The following GABRB1 variants were observed in gnomAD, a reference collection of about 807,000 sequenced individuals.
GABRB1 encodes gamma-aminobutyric acid type A receptor subunit beta1, also known as gamma-aminobutyric acid receptor subunit beta-1.
Under a neutral mutation model 51.6 loss-of-function variants are expected in GABRB1, and 17 were observed. The ratio of observed to expected loss-of-function variants is 0.33; its 90% CI spans 0.23 to 0.49. The LOEUF is 0.49. Among genes scored for constraint, GABRB1 ranks in the 20% least tolerant of loss-of-function variants. The pLI is 0.99. For synonymous variants in GABRB1, 247 were observed against 218.9 expected (o/e 1.13, Z -1.14); for missense variants, 410 against 600.6 (o/e 0.68, Z 3.32).
chr4:47,014,504 A>G (rs566108043), intron 1 of GABRB1, among the ~76,000 whole-genome samples: 11 of 152,090 alleles, frequency 7.2e-5, no homozygotes, highest in Non-Finnish European at 1.5e-4. Flanking sequence ...CTGATCACCA[A>G]AATGTGTAGC....
At chr4:47,038,729 A>G (rs773842966) in intron 3 of GABRB1, among the ~76,000 whole-genome samples, 1 of 152,228 alleles carries the variant, frequency 6.6e-6, no homozygotes, top group Non-Finnish European at 1.5e-5. Context: ...CACCTTCAAA[A>G]CACTCATACA....
In GABRB1 at chr4:47,425,657, G is replaced by C; in HGVS notation, c.1081-17G>C. The C allele has an allele frequency of 6.4e-7, 1 of 1,573,240 alleles. No individual in the cohort carries two copies. Among genetic ancestry groups the C allele is most frequent in the African/African-American group, 1.4e-5 (1 of 73,840 alleles). On this transcript the variant is annotated splice_polypyrimidine_tract_variant and intron_variant, in intron 8 of 8. Transcript: ENST00000295454. Reference sequence around the variant, plus strand: ...GGTCCTGCAACTTGTGTCCGAGCCTGTTCTTTTTGCCATCAGGTCGACGCC... The same window carrying C: ...GGTCCTGCAACTTGTGTCCGAGCCTCTTCTTTTTGCCATCAGGTCGACGCC...
upstream of GABRB1, among the ~76,000 whole-genome samples, chr4:47,028,726 G>GTA (rs1201669133): frequency 1.3e-5 from 2 of 149,870 alleles, no homozygotes. Flanking sequence ...CTGTGTATGT[G>GTA]TATATATATA....
At chr4:47,253,364 T>C (rs1214651261) in intron 4 of GABRB1, among the ~76,000 whole-genome samples, 6 of 152,250 alleles carry the variant, frequency 3.9e-5, no homozygotes, top group African/African-American at 1.4e-4. Flanking sequence ...AGGAAGACTT[T>C]GTCAGTTGAA....
chr4:47,223,490 C>A (rs1048934253), intron 4 of GABRB1, among the ~76,000 whole-genome samples: 1 of 152,104 alleles, frequency 6.6e-6, no homozygotes. Flanking sequence ...GTAAATTTTT[C>A]TTTATTTGGG....
intron 5 of GABRB1, among the ~76,000 whole-genome samples, chr4:47,375,708 T>C (rs145546232): frequency 1.3e-3 from 204 of 152,362 alleles, no homozygotes; most frequent in Non-Finnish European, 2.5e-3. Flanking sequence ...CACTTGTTAC[T>C]TTTGGTTACA....
chr4:47,129,269 C>T (rs1577934443), intron 3 of GABRB1, among the ~76,000 whole-genome samples: 1 of 152,224 alleles, frequency 6.6e-6, no homozygotes, highest in East Asian at 1.9e-4. Context: ...TCTTTTAAAG[C>T]ACTGATCAAA....
intron 4 of GABRB1, among the ~76,000 whole-genome samples, chr4:47,178,490 T>A (rs1448574947): frequency 6.6e-6 from 1 of 152,090 alleles, no homozygotes; most frequent in Non-Finnish European, 1.5e-5. Flanking sequence ...ACTTTTGTCA[T>A]TGGATTAGTG....
chr4:47,133,290 A>G lies in GABRB1; in HGVS notation c.241-27959A>G, dbSNP rs1003734591. On this transcript the variant is annotated intron_variant, in intron 3 of 8. Transcript: ENST00000295454. ...TGTATGTGACCTTCACTGCATCTGC[A>G]TAATTCCCTATTACAATATTTAAAA... Among the ~76,000 whole-genome samples the G allele has an allele frequency of 2.0e-5, 3 of 152,342 alleles. No individual in the cohort carries two copies. In the East Asian group the frequency reaches 5.8e-4, roughly 29 times the overall value.
At chr4:47,293,712 A>G (rs968947693) in intron 4 of GABRB1, among the ~76,000 whole-genome samples, 6 of 152,200 alleles carry the variant, frequency 3.9e-5, no homozygotes, top group Admixed American at 3.3e-4. Flanking sequence ...GCTTTAGGAT[A>G]AACCTTTTTT....
At chr4:47,027,368 A>G (rs1230950804), upstream of GABRB1, among the ~76,000 whole-genome samples, 1 of 151,726 alleles carries the variant, frequency 6.6e-6, no homozygotes, top group East Asian at 1.9e-4. Context: ...CATAACAGGA[A>G]GTAAAAATAA....
intron 1 of GABRB1, among the ~76,000 whole-genome samples, chr4:47,006,758 A>C (rs903556693): frequency 3.9e-5 from 6 of 152,230 alleles, no homozygotes; most frequent in Non-Finnish European, 8.8e-5. Context: ...AGACAAATAG[A>C]CAAATATTTA....
At position 47,160,994 on chromosome 4, in the gene GABRB1, C is replaced by T. The variant is rs142892545; in HGVS notation, c.241-255C>T. Among the ~76,000 whole-genome samples, 348 of 151,838 alleles carry T rather than the reference C, an allele frequency of 2.3e-3. 2 individuals are homozygous for T. Among genetic ancestry groups the T allele is most frequent in the African/African-American group, 7.4e-3 (306 of 41,472 alleles). ...TTTTTGTAGAGATGAGGTCTCATAA[C>T]GTTCCGTAGGCTGGTCTTGAACTCC... On this transcript the variant is annotated intron_variant, in intron 3 of 8. Coordinates refer to ENST00000295454, the MANE Select transcript of GABRB1 (RefSeq NM_000812.4).
intron 3 of GABRB1, among the ~76,000 whole-genome samples, chr4:47,081,880 A>T (rs1577890815): frequency 1.3e-5 from 2 of 152,204 alleles, no homozygotes; most frequent in African/African-American, 4.8e-5. Flanking sequence ...GTATTCTATC[A>T]TTTGTACTGT....
rs1270829797 is a variant in GABRB1 at position 47,406,890 on chromosome 4, C to G, written c.1044C>G (p.Ala348=). 1.2e-6 allele frequency: 2 copies of G among 1,613,870 alleles called. No homozygotes were observed. The highest frequency in any genetic ancestry group is 4.5e-5 in the East Asian group (2 of 44,882). Residue 348 remains alanine, a synonymous_variant, in exon 8 of 9, where the codon GCC becomes GCG. Transcript: ENST00000295454. ...GAGCTAGCAAACAAGACCAGAGTGC[C>G]AATGAGAAGAATAAACTGGAGATGA... ...KKGASKQDQS[A]NEKNKLEMNK... is the part of the protein sequence containing the mutation.
chr4:47,358,761 GC>G (rs1726685690), intron 5 of GABRB1, among the ~76,000 whole-genome samples: 2 of 152,250 alleles, frequency 1.3e-5, no homozygotes, highest in South Asian at 2.1e-4. Context: ...ACACAATTCA[GC>G]CCATAACAGT....
chr4:47,312,029 C>T (rs1409097577), intron 4 of GABRB1, among the ~76,000 whole-genome samples: 1 of 114,048 alleles, frequency 8.8e-6, no homozygotes, highest in Non-Finnish European at 1.7e-5. Flanking sequence ...AAAACATTTA[C>T]CCAAGGCTTG....
chr4:47,078,649 A>C (rs1299612413), intron 3 of GABRB1, among the ~76,000 whole-genome samples: 1 of 152,186 alleles, frequency 6.6e-6, no homozygotes, highest in South Asian at 2.1e-4. Flanking sequence ...CTGTAAAATG[A>C]GAATGTGAGA....
chr4:47,031,659 C>G lies in GABRB1; in HGVS notation c.8C>G (p.Thr3Arg). The change falls in exon 1 of 9, where the codon ACA becomes AGA. Residue 3 changes from threonine to arginine, a missense_variant. Around this residue, in one of 5 missense-constraint regions of GABRB1, gnomAD observed 56 missense variants for 54.8 expected, o/e 1.02. Coordinates refer to ENST00000295454, the MANE Select transcript of GABRB1 (RefSeq NM_000812.4). MW[T>R]VQNRESLGLL... ...TTTTAATCAGAGTTAGTAATGTGGACAGTACAAAATCGAGAGAGTCTGGGG... is the reference window on the plus strand; with the variant it reads ...TTTTAATCAGAGTTAGTAATGTGGAGAGTACAAAATCGAGAGAGTCTGGGG... 3 of 1,611,932 alleles carry G rather than the reference C, an allele frequency of 1.9e-6. No individual in the cohort carries two copies. Among genetic ancestry groups the G allele is most frequent in the Non-Finnish European group, 2.5e-6 (3 of 1,177,976 alleles).
Sources: allele counts gnomAD v4.1 joint callset (sites outside exome capture counted in the v4.1 genomes callset), GRCh38; gene constraint gnomAD v4.1.1; regional missense constraint gnomAD v4.1.1; transcripts MANE v1.5; gene names NCBI Gene and HGNC (gene_info 2026-07-23, HGNC 2026-07-21).